Variants in NELL1 observed in about 807,000 individuals in gnomAD.
NELL1 encodes protein kinase C-binding protein NELL1.
NELL1 carries 76 observed loss-of-function variants against 107.4 expected under a neutral mutation model. The observed-to-expected ratio is 0.71, with a 90% CI of 0.59 to 0.86. NELL1 has a LOEUF of 0.86. Among genes scored for constraint, NELL1 ranks in the 40% least tolerant of loss-of-function variants. NELL1 has a pLI of 0.00. For synonymous variants in NELL1, 353 were observed against 341.2 expected (o/e 1.03, Z -0.38); for missense variants, 1,024 against 1,005.5 (o/e 1.02, Z -0.25).
At chr11:21,559,354 T>C (rs1405463394) in intron 16 of NELL1, among the ~76,000 whole-genome samples, 1 of 152,086 alleles carries the variant, frequency 6.6e-6, no homozygotes, top group African/African-American at 2.4e-5. Context: ...GAGTCAGGTA[T>C]TTTGCAAGGT....
At chr11:20,908,118 T>C (rs1370918723) in intron 5 of NELL1, among the ~76,000 whole-genome samples, 1 of 152,156 alleles carries the variant, frequency 6.6e-6, no homozygotes, top group East Asian at 1.9e-4. Flanking sequence ...TGTAAATTAG[T>C]TCAACCATTG....
At chr11:21,385,645 C>G (rs573823154) in intron 15 of NELL1, among the ~76,000 whole-genome samples, 1 of 152,000 alleles carries the variant, frequency 6.6e-6, no homozygotes, top group South Asian at 2.1e-4. Flanking sequence ...AATGTTCTTC[C>G]GGCATTGCAG....
Position 21,560,099 on chromosome 11 carries a change from G to T in NELL1, c.1787-90G>T, listed in dbSNP as rs1856813137. ...ACCTAGCACAAGGTAAATGGTCGATGATGTTAGTTAATGCTACTGCAAATG... is the reference window on the plus strand; with the variant it reads ...ACCTAGCACAAGGTAAATGGTCGATTATGTTAGTTAATGCTACTGCAAATG... On this transcript the variant is annotated intron_variant, in intron 16 of 19. Coordinates refer to ENST00000357134, the MANE Select transcript of NELL1 (RefSeq NM_006157.5). 5.0e-6 allele frequency: 6 copies of T among 1,208,556 alleles called. No individual in the cohort carries two copies. In the Admixed American group the frequency reaches 1.0e-4, roughly 20 times the overall value. The allele number at this position is 1,208,556 out of a possible 1,614,324, so 74.9% of individuals were successfully genotyped here. A position where few individuals can be genotyped will look rare whatever the true frequency, so the allele number is the denominator to read the frequency against.
intron 12 of NELL1, among the ~76,000 whole-genome samples, chr11:21,035,989 G>A (rs746886382): frequency 6.6e-5 from 10 of 152,016 alleles, no homozygotes; most frequent in East Asian, 1.9e-4. Context: ...AGAAAACCCC[G>A]TAGTCTCAGC....
chr11:21,202,499 A>T (rs1426692253), intron 13 of NELL1, among the ~76,000 whole-genome samples: 2 of 152,048 alleles, frequency 1.3e-5, no homozygotes, highest in Non-Finnish European at 2.9e-5. Flanking sequence ...TATTGCATCT[A>T]TTTAATTCTT....
chr11:21,243,984 G>T (rs1482235416), intron 14 of NELL1, among the ~76,000 whole-genome samples: 1 of 152,172 alleles, frequency 6.6e-6, no homozygotes, highest in South Asian at 2.1e-4. Context: ...TCTGGCTTTT[G>T]GTGGGATGCA....
At chr11:20,851,012 C>G (rs1848785589) in intron 4 of NELL1, among the ~76,000 whole-genome samples, 1 of 152,114 alleles carries the variant, frequency 6.6e-6, no homozygotes, top group Non-Finnish European at 1.5e-5. Context: ...TCTAACCCAC[C>G]CTCCAGGTCA....
intron 14 of NELL1, among the ~76,000 whole-genome samples, chr11:21,268,356 A>G (rs12276433): frequency 0.067 from 10,162 of 152,180 alleles, 473 homozygotes; most frequent in East Asian, 0.15. Context: ...AGAAGAAACC[A>G]TGTGGACATA....
chr11:21,471,094 C>T (rs143775858), intron 15 of NELL1, among the ~76,000 whole-genome samples: 46 of 152,226 alleles, frequency 3.0e-4, no homozygotes, highest in African/African-American at 1.1e-3. Context: ...CTTCAAAGGA[C>T]TTCTTTCCAG....
At chr11:21,335,704 C>CTG (rs1850374693) in intron 14 of NELL1, among the ~76,000 whole-genome samples, 1 of 152,024 alleles carries the variant, frequency 6.6e-6, no homozygotes, top group Non-Finnish European at 1.5e-5. Context: ...CCTCTAAAAA[C>CTG]GCAAATCCAT....
intron 12 of NELL1, among the ~76,000 whole-genome samples, chr11:20,998,087 T>G (rs764124241): frequency 6.6e-6 from 1 of 152,220 alleles, no homozygotes; most frequent in East Asian, 1.9e-4. Flanking sequence ...TGTTACAATC[T>G]TCTTAAAATT....
chr11:20,824,799 A>G (rs1404839906), intron 3 of NELL1, among the ~76,000 whole-genome samples: 1 of 151,456 alleles, frequency 6.6e-6, no homozygotes, highest in Non-Finnish European at 1.5e-5. Flanking sequence ...GCAGCAAAGA[A>G]TTCAAGAGGA....
At chr11:21,030,085 A>G (rs1425759641) in intron 12 of NELL1, among the ~76,000 whole-genome samples, 1 of 152,198 alleles carries the variant, frequency 6.6e-6, no homozygotes, top group Non-Finnish European at 1.5e-5. Flanking sequence ...TGGGAAAGTG[A>G]CAGCCTGTAG....
chr11:20,735,017 TAGAG>T, intron 2 of NELL1, among the ~76,000 whole-genome samples: 1 of 152,094 alleles, frequency 6.6e-6, no homozygotes, highest in East Asian at 1.9e-4. Context: ...GGGAGTGAGA[TAGAG>T]AGGAGGCCTA....
intron 15 of NELL1, among the ~76,000 whole-genome samples, chr11:21,441,005 G>A (rs980479955): frequency 2.0e-5 from 3 of 152,116 alleles, no homozygotes; most frequent in South Asian, 2.1e-4. Context: ...AAATGTAGGT[G>A]TTATTTATAT....
At chr11:21,232,587 A>C (rs1016760631) in intron 14 of NELL1, among the ~76,000 whole-genome samples, 1 of 152,228 alleles carries the variant, frequency 6.6e-6, no homozygotes, top group Non-Finnish European at 1.5e-5. Context: ...GCCACCTTGT[A>C]ACTGAAACAT....
chr11:21,302,769 A>G (rs908515975), intron 14 of NELL1, among the ~76,000 whole-genome samples: 2 of 151,860 alleles, frequency 1.3e-5, no homozygotes, highest in African/African-American at 4.8e-5. Context: ...AAAAAGGAGA[A>G]TGGGGGCTAG....
At chr11:21,534,595 C>T (rs1690484510) in intron 16 of NELL1, 81 bp downstream of exon 16, 1 of 1,435,348 alleles carries the variant, frequency 7.0e-7, no homozygotes, top group Middle Eastern at 2.1e-4. Context: ...TGTTCAGCTC[C>T]CAGTGTTAAA....
intron 15 of NELL1, among the ~76,000 whole-genome samples, chr11:21,410,507 T>C (rs556349939): frequency 1.0e-3 from 155 of 152,146 alleles, no homozygotes; most frequent in Non-Finnish European, 2.4e-4. Context: ...ACATTTCCTT[T>C]TCTGGGCTCC....
Sources: gnomAD v4.1 joint callset for allele counts (sites outside exome capture counted in the v4.1 genomes callset) on GRCh38, gnomAD v4.1.1 for gene constraint, MANE v1.5 for transcripts, NCBI Gene and HGNC (gene_info 2026-07-23, HGNC 2026-07-21) for gene names.